NRG3: variants seen among roughly 807,000 people sequenced by gnomAD.
NRG3 encodes pro-neuregulin-3, membrane-bound isoform.
A neutral mutation model predicts 66.9 loss-of-function variants in NRG3; 31 were observed. The ratio of observed to expected loss-of-function variants is 0.46; its 90% CI spans 0.35 to 0.63. The LOEUF (loss-of-function observed/expected upper bound fraction) is 0.63, where lower values mean the gene tolerates loss of function less well. NRG3 is among the 20% of genes least tolerant of loss of function. The pLI is 0.00. For synonymous variants in NRG3, 393 were observed against 359.4 expected (o/e 1.09, Z -1.06); for missense variants, 910 against 878.9 (o/e 1.04, Z -0.45).
chr10:82,051,415 G>A (rs955851319), intron 1 of NRG3, among the ~76,000 whole-genome samples: 7 of 152,178 alleles, frequency 4.6e-5, no homozygotes, highest in African/African-American at 1.4e-4. Context: ...CTCTGATCCC[G>A]TGAGGATGAC....
intron 3 of NRG3, among the ~76,000 whole-genome samples, chr10:82,860,155 G>C (rs1018541889): frequency 6.6e-6 from 1 of 152,100 alleles, no homozygotes; most frequent in Non-Finnish European, 1.5e-5. Context: ...AAATTTCCCC[G>C]GTAACCAATG....
intron 4 of NRG3, among the ~76,000 whole-genome samples, chr10:82,907,823 T>A (rs1844902153): frequency 1.3e-5 from 2 of 152,208 alleles, no homozygotes; most frequent in Admixed American, 1.3e-4. Flanking sequence ...TTTGAGGATG[T>A]GAAGTCTACA....
chr10:82,382,402 A>G (rs943920836), intron 2 of NRG3, among the ~76,000 whole-genome samples: 2 of 152,000 alleles, frequency 1.3e-5, no homozygotes, highest in East Asian at 3.8e-4. Context: ...CTCATTGCTT[A>G]ACTAGTATGT....
chr10:82,187,218 A>G (rs376166468), intron 1 of NRG3, among the ~76,000 whole-genome samples: 61 of 152,308 alleles, frequency 4.0e-4, no homozygotes, highest in African/African-American at 1.4e-3. Flanking sequence ...GGACTAGAAT[A>G]TTACTGAGGC....
At chr10:82,253,747 C>G (rs890754051) in intron 1 of NRG3, among the ~76,000 whole-genome samples, 1 of 152,140 alleles carries the variant, frequency 6.6e-6, no homozygotes, top group African/African-American at 2.4e-5. Flanking sequence ...TAGTGTCATT[C>G]CATAGCTAAT....
chr10:82,334,876 T>A (rs1235355571), intron 1 of NRG3, among the ~76,000 whole-genome samples: 2 of 152,180 alleles, frequency 1.3e-5, no homozygotes, highest in East Asian at 1.9e-4. Context: ...TACCAACAAA[T>A]TTACCAAAAC....
At chr10:82,397,651 G>A (rs2086798944) in intron 2 of NRG3, among the ~76,000 whole-genome samples, 1 of 152,072 alleles carries the variant, frequency 6.6e-6, no homozygotes, top group Admixed American at 6.5e-5. Flanking sequence ...AAATGAATTT[G>A]TTACCTTATT....
rs1310242866 is a variant in NRG3 at position 82,344,890 on chromosome 10, G to A, written c.824-13849G>A. Among the ~76,000 whole-genome samples the A allele has an allele frequency of 8.1e-3, 950 of 116,586 alleles. 115 individuals are homozygous for A. The highest frequency in any genetic ancestry group is 0.052 in the African/African-American group (871 of 16,708). The allele number at this position is 116,586 out of a possible 152,430, so 76.5% of individuals were successfully genotyped here. On this transcript the variant is annotated intron_variant, in intron 1 of 8. Coordinates refer to ENST00000372141, the MANE Select transcript of NRG3 (RefSeq NM_001010848.4). ...TGAGAAGTGTCCGTTCATGTCCTTCGCCCACTTTTTGATGGGGTTGTTTGT... is the reference window on the plus strand; with the variant it reads ...TGAGAAGTGTCCGTTCATGTCCTTCACCCACTTTTTGATGGGGTTGTTTGT...
At chr10:82,670,709 T>C (rs996151682) in intron 2 of NRG3, among the ~76,000 whole-genome samples, 6 of 152,144 alleles carry the variant, frequency 3.9e-5, no homozygotes, top group Admixed American at 6.5e-5. Flanking sequence ...ATACATTTTC[T>C]TGGCTCTCTT....
intron 2 of NRG3, among the ~76,000 whole-genome samples, chr10:82,533,478 A>T (rs1847505038): frequency 6.6e-6 from 1 of 151,618 alleles, no homozygotes; most frequent in African/African-American, 2.4e-5. Context: ...ATGGTATAAG[A>T]TAAAGGTCCA....
At chr10:81,967,132 A>G (rs2059761347) in intron 1 of NRG3, among the ~76,000 whole-genome samples, 1 of 151,828 alleles carries the variant, frequency 6.6e-6, no homozygotes, top group Non-Finnish European at 1.5e-5. Context: ...CCTAATATTC[A>G]TTATGTATCA....
chr10:82,603,671 G>C (rs1565117323), intron 2 of NRG3, among the ~76,000 whole-genome samples: 1 of 150,218 alleles, frequency 6.7e-6, no homozygotes, highest in Non-Finnish European at 1.5e-5. Flanking sequence ...ATTTATTTCT[G>C]AAAAAAAAAG....
intron 2 of NRG3, among the ~76,000 whole-genome samples, chr10:82,648,631 C>T (rs1410911092): frequency 2.0e-5 from 3 of 152,256 alleles, no homozygotes; most frequent in East Asian, 3.9e-4. Flanking sequence ...ATTCTTCCTG[C>T]CCATGAGCAT....
intron 1 of NRG3, among the ~76,000 whole-genome samples, chr10:82,257,273 GA>G (rs900308397): frequency 2.0e-5 from 3 of 151,934 alleles, no homozygotes; most frequent in East Asian, 1.9e-4. Flanking sequence ...GGAGAATGGG[GA>G]AAAAAAACTT....
Position 82,098,054 on chromosome 10 carries a change from T to TACACAC in NRG3, c.823+221919_823+221924dup, listed in dbSNP as rs61481796. ...CTAACAATGTAGTCTGCCACATATA[T>TACACAC]ACACACACACACACACACACACACA... On this transcript the variant is annotated intron_variant, in intron 1 of 8. Coordinates refer to ENST00000372141, the MANE Select transcript of NRG3 (RefSeq NM_001010848.4). Among the ~76,000 whole-genome samples, 207 of 146,798 alleles carry TACACAC rather than the reference T, an allele frequency of 1.4e-3. 3 individuals are homozygous for TACACAC. The East Asian group carries it at 0.018, about 13-fold the overall frequency.
intron 2 of NRG3, among the ~76,000 whole-genome samples, chr10:82,673,134 G>A (rs897154822): frequency 4.6e-5 from 7 of 152,242 alleles, no homozygotes; most frequent in African/African-American, 1.7e-4. Flanking sequence ...GTGTGAGTGA[G>A]TGTGGGTGCA....
chr10:82,061,665 TG>T (rs2064147643), intron 1 of NRG3, among the ~76,000 whole-genome samples: 1 of 152,178 alleles, frequency 6.6e-6, no homozygotes, highest in South Asian at 2.1e-4. Context: ...CAGTGAATGC[TG>T]GGGTATCATG....
At chr10:82,343,610 G>A (rs923036512) in intron 1 of NRG3, among the ~76,000 whole-genome samples, 2 of 152,070 alleles carry the variant, frequency 1.3e-5, no homozygotes, top group African/African-American at 4.8e-5. Context: ...CCAGAACAAA[G>A]CTGGAGGCAT....
chr10:82,592,502 T>C (rs2047039002), intron 2 of NRG3, among the ~76,000 whole-genome samples: 1 of 152,120 alleles, frequency 6.6e-6, no homozygotes, highest in Non-Finnish European at 1.5e-5. Flanking sequence ...AGGAAATGCA[T>C]TTTTCGTGGG....
Sources: allele counts gnomAD v4.1 joint callset (sites outside exome capture counted in the v4.1 genomes callset), GRCh38; gene constraint gnomAD v4.1.1; transcripts MANE v1.5; gene names NCBI Gene and HGNC (gene_info 2026-07-23, HGNC 2026-07-21).